The following STARD4 variants were observed in gnomAD, a reference collection of about 807,000 sequenced individuals.
STARD4 encodes stAR-related lipid transfer protein 4.
In STARD4, 33 loss-of-function variants were observed where a neutral mutation model predicts 24.9. The observed-to-expected ratio is 1.32, with a 90% CI of 1.00 to 1.77. The LOEUF (loss-of-function observed/expected upper bound fraction) is 1.77. Among genes scored for constraint, STARD4 ranks in the 40% most tolerant of loss-of-function variants. The probability of loss-of-function intolerance (pLI) is 0.00; values close to 1 mark genes in which losing one functional copy is unlikely to be tolerated. For missense variants in STARD4, 238 were observed against 249.3 expected, an observed-to-expected ratio of 0.95 and a Z score of 0.31; for synonymous variants, 88 against 77.4, an observed-to-expected ratio of 1.14 and a Z score of -0.72.
chr5:111,502,141 T>A, intron 3 of STARD4, 53 bp from the exon 4 acceptor site: 1 of 1,594,790 alleles, frequency 6.3e-7, no homozygotes, highest in Non-Finnish European at 8.5e-7. Flanking sequence ...AATTTCAGCA[T>A]ACCCTTATAG....
At chr5:111,500,786 G>A in intron 5 of STARD4, 1 of 1,458,296 alleles carries the variant, frequency 6.9e-7, no homozygotes, top group Non-Finnish European at 8.9e-7. Context: ...CTGACCTAGA[G>A]GATACTGTGT....
At position 111,499,955 on chromosome 5, in the gene STARD4, C is replaced by A. The variant is rs374539997; in HGVS notation, c.549G>T (p.Gln183His). The change falls in exon 6 of 6, where the codon CAG (glutamine) becomes CAT (histidine). Residue 183 changes from glutamine (Q) to histidine (H), a missense_variant. Transcript: ENST00000296632. ...IQTDLRGMIPQSAVDTAMAST... is the reference protein window; with the variant it reads ...IQTDLRGMIPHSAVDTAMAST... ...TTGCCATGGCTGTATCTACCGCAGACTGAGGAATCATCCCACGCAGATCTG... is the reference window on the plus strand; with the variant it reads ...TTGCCATGGCTGTATCTACCGCAGAATGAGGAATCATCCCACGCAGATCTG... 1 of 1,614,032 alleles carries A rather than the reference C, an allele frequency of 6.2e-7. No individual in the cohort carries two copies. The highest frequency in any genetic ancestry group is 1.1e-5 in the South Asian group (1 of 91,094).
chr5:111,498,638 A>T lies in STARD4; in HGVS notation c.*1248T>A, dbSNP rs1756228628. 1 of 152,176 alleles carries T rather than the reference A, an allele frequency of 6.6e-6. No homozygotes were observed. The allele number at this position is 152,176 out of a possible 1,614,324, so 9.4% of individuals were successfully genotyped here. ...AGTAATTCAAAAGTACATTCAATTT[A>T]GAAAAGGATCCTGGTAATTAATAAA... is the stretch of plus-strand genomic sequence containing the variant. On this transcript the variant is annotated 3_prime_UTR_variant, in exon 6 of 6. Transcript: ENST00000296632.
intron 1 of STARD4, among the ~76,000 whole-genome samples, chr5:111,509,481 T>C (rs527623567): frequency 2.1e-4 from 32 of 152,278 alleles, no homozygotes; most frequent in South Asian, 4.1e-4. Flanking sequence ...CTCCTTACTA[T>C]AGCTTACAGG....
In STARD4 at chr5:111,499,690, A is replaced by T. The variant is rs1034468550; in HGVS notation, c.*196T>A. The stretch of plus-strand genomic sequence containing the variant: ...AGAGTGAGAGCCTGTCTCAAAATTT[A>T]AAAAAAAAAAAGTGAAAATGCCCTC... On this transcript the variant is annotated 3_prime_UTR_variant, in exon 6 of 6. Transcript: ENST00000296632. 3.3e-4 allele frequency: 79 copies of T among 238,756 alleles called. 1 individual carries two copies. In the South Asian group the frequency reaches 3.5e-3, roughly 10 times the overall value. 14.8% of individuals were successfully genotyped at this position (238,756 alleles called of 1,614,324 possible).
intron 1 of STARD4, among the ~76,000 whole-genome samples, chr5:111,509,161 T>C (rs954055147): frequency 6.6e-6 from 1 of 151,942 alleles, no homozygotes; most frequent in African/African-American, 2.4e-5. Flanking sequence ...CAAGCAGAAG[T>C]TCTTGCAGAA....
intron 3 of STARD4, among the ~76,000 whole-genome samples, chr5:111,503,410 C>A (rs576169082): frequency 6.6e-6 from 1 of 152,248 alleles, no homozygotes; most frequent in East Asian, 1.9e-4. Context: ...GTGGGCGGAC[C>A]ACGAGGTCAG....
intron 4 of STARD4, among the ~76,000 whole-genome samples, 182 bp downstream of exon 4, chr5:111,501,780 G>A (rs1328110392): frequency 2.0e-5 from 3 of 152,204 alleles, no homozygotes; most frequent in South Asian, 2.1e-4. Flanking sequence ...TAATTAGTAT[G>A]AGGAAACACA....
intron 3 of STARD4, 173 bp downstream of exon 3, chr5:111,506,157 G>A (rs1196244541): frequency 1.0e-5 from 3 of 291,628 alleles, no homozygotes; most frequent in Non-Finnish European, 1.8e-5. Context: ...TTGTGCCACC[G>A]CACTCCAGCC....
Position 111,496,100 on chromosome 5 carries a change from A to G in STARD4, c.*3786T>C, listed in dbSNP as rs1252438085. The stretch of plus-strand genomic sequence containing the variant: ...TTAAAAATAAATACATATTTTATTG[A>G]TACTAATACATATTATTAGTTTAAT... On this transcript the variant is annotated 3_prime_UTR_variant, in exon 6 of 6. Transcript: ENST00000296632. The G allele has an allele frequency of 6.6e-6, 1 of 151,974 alleles. No homozygotes were observed. The highest frequency in any genetic ancestry group is 1.9e-4 in the East Asian group (1 of 5,204). 9.4% of individuals were successfully genotyped at this position (151,974 alleles called of 1,614,324 possible). A position where few individuals can be genotyped will look rare whatever the true frequency, so the allele number is the denominator to read the frequency against.
At chr5:111,510,099 C>G (rs1240551272) in intron 1 of STARD4, among the ~76,000 whole-genome samples, 1 of 152,200 alleles carries the variant, frequency 6.6e-6, no homozygotes, top group Non-Finnish European at 1.5e-5. Flanking sequence ...TCAGAAAGCT[C>G]TCTCTGATTA....
At chr5:111,500,346 A>C in intron 5 of STARD4, 4 of 1,201,060 alleles carry the variant, frequency 3.3e-6, no homozygotes, top group Admixed American at 4.1e-5. Context: ...ACATCATATC[A>C]TCTTAGTACT....
At chr5:111,508,048 A>T (rs1268657440) in intron 1 of STARD4, among the ~76,000 whole-genome samples, 1 of 152,122 alleles carries the variant, frequency 6.6e-6, no homozygotes, top group Non-Finnish European at 1.5e-5. Context: ...TGTCCCTCAA[A>T]CAGGCTAGCT....
intron 1 of STARD4, among the ~76,000 whole-genome samples, chr5:111,511,414 C>A (rs1350431726): frequency 6.6e-6 from 1 of 152,166 alleles, no homozygotes; most frequent in Non-Finnish European, 1.5e-5. Flanking sequence ...ATCCTCACAA[C>A]AGTAATAGTC....
intron 3 of STARD4, among the ~76,000 whole-genome samples, chr5:111,504,740 C>G (rs1180288567): frequency 6.6e-6 from 1 of 152,176 alleles, no homozygotes; most frequent in Non-Finnish European, 1.5e-5. Context: ...ACAAATTAAT[C>G]TAGTCAAATT....
Position 111,506,329 on chromosome 5 carries a change from C to G in STARD4, c.155+1G>C, listed in dbSNP as rs372685177. 1.2e-5 allele frequency: 17 copies of G among 1,472,864 alleles called. No individual in the cohort carries two copies. Among genetic ancestry groups the G allele is most frequent in the Non-Finnish European group, 1.5e-5 (16 of 1,074,042 alleles). The allele number at this position is 1,472,864 out of a possible 1,614,324, so 91.2% of individuals were successfully genotyped here. ...GTGTAAGTCTATAAAAAGTTACTTA[C>G]AGATATCCATTAAATTCTTCTGAGG... On this transcript the variant is annotated splice_donor_variant, in intron 3 of 5. Coordinates refer to ENST00000296632, the MANE Select transcript of STARD4 (RefSeq NM_139164.3). LOFTEE classifies it high-confidence loss of function.
intron 3 of STARD4, among the ~76,000 whole-genome samples, chr5:111,502,552 G>A (rs1756539785): frequency 6.6e-6 from 1 of 152,026 alleles, no homozygotes; most frequent in South Asian, 2.1e-4. Context: ...CCAGCACTTT[G>A]GGAGGCCAAG....
rs1046338614 is a variant in STARD4, at chr5:111,496,788, A to AGAT, written c.*3095_*3097dup. The AGAT allele has an allele frequency of 6.6e-6, 1 of 152,066 alleles. No homozygotes were observed. The highest frequency in any genetic ancestry group is 2.4e-5 in the African/African-American group (1 of 41,432). 9.4% of individuals were successfully genotyped at this position (152,066 alleles called of 1,614,324 possible). A position where few individuals can be genotyped will look rare whatever the true frequency, so the allele number is the denominator to read the frequency against. ...AAGGAAAAAAATTCTATTAACTAGG[A>AGAT]GATGTTGTACAGATAGAAATCTACA... On this transcript the variant is annotated 3_prime_UTR_variant, in exon 6 of 6. Transcript: ENST00000296632.
In STARD4 at chr5:111,502,061, G is replaced by T; in HGVS notation, c.183C>A (p.Asp61Glu). The change falls in exon 4 of 6, where the codon GAC becomes GAA. Residue 61 changes from aspartate to glutamate, a missense_variant. Transcript: ENST00000296632. ...TATGGTCTATTATACTATAGACAAGGTCATCTATAACACCTTGGGCTTTGT... is the reference window on the plus strand; with the variant it reads ...TATGGTCTATTATACTATAGACAAGTTCATCTATAACACCTTGGGCTTTGT... ...YLYKAQGVID[D>E]LVYSIIDHIR... The T allele has an allele frequency of 1.9e-6, 3 of 1,614,038 alleles. No homozygotes were observed. Among genetic ancestry groups the T allele is most frequent in the Non-Finnish European group, 2.5e-6 (3 of 1,179,976 alleles).
Sources: gnomAD v4.1 joint callset for allele counts (sites outside exome capture counted in the v4.1 genomes callset) on GRCh38, gnomAD v4.1.1 for gene constraint, MANE v1.5 for transcripts, NCBI Gene and HGNC (gene_info 2026-07-23, HGNC 2026-07-21) for gene names.